CLSTN2: variants seen among roughly 807,000 people sequenced by gnomAD.
CLSTN2 encodes calsyntenin-2.
In CLSTN2, 48 loss-of-function variants were observed where a neutral mutation model predicts 101.2. That is an observed-to-expected ratio of 0.47 (90% CI 0.38 to 0.60). The LOEUF (loss-of-function observed/expected upper bound fraction) is 0.60. Among genes scored for constraint, CLSTN2 ranks in the 20% least tolerant of loss-of-function variants. The probability of loss-of-function intolerance (pLI) is 0.00; values close to 1 mark genes in which losing one functional copy is unlikely to be tolerated. For missense variants in CLSTN2, 1,160 were observed against 1,238.2 expected, an observed-to-expected ratio of 0.94 and a Z score of 0.95; for synonymous variants, 481 against 463.6, an observed-to-expected ratio of 1.04 and a Z score of -0.48.
At chr3:140,385,256 A>C (rs561788181) in intron 2 of CLSTN2, among the ~76,000 whole-genome samples, 2 of 151,804 alleles carry the variant, frequency 1.3e-5, no homozygotes, top group South Asian at 4.2e-4. Context: ...CCTAAGAAGC[A>C]TCTTGGTTCA....
chr3:140,518,459 C>T (rs1236932829), intron 8 of CLSTN2, among the ~76,000 whole-genome samples: 1 of 152,204 alleles, frequency 6.6e-6, no homozygotes, highest in Non-Finnish European at 1.5e-5. Context: ...TCCCTGGGAT[C>T]TTAGAGAGCC....
intron 2 of CLSTN2, among the ~76,000 whole-genome samples, chr3:140,195,875 A>G (rs1409343280): frequency 6.6e-6 from 1 of 152,232 alleles, no homozygotes; most frequent in Non-Finnish European, 1.5e-5. Flanking sequence ...ATTCATTCAT[A>G]TATAAGAAAC....
chr3:140,288,683 C>T (rs1052646042), intron 2 of CLSTN2, among the ~76,000 whole-genome samples: 1 of 152,150 alleles, frequency 6.6e-6, no homozygotes, highest in African/African-American at 2.4e-5. Context: ...CCACCAACAC[C>T]ACTGACTAAT....
intron 2 of CLSTN2, among the ~76,000 whole-genome samples, chr3:140,402,048 G>A (rs1443828806): frequency 1.3e-5 from 2 of 152,172 alleles, no homozygotes; most frequent in African/African-American, 2.4e-5. Flanking sequence ...GGAGATGGGG[G>A]TGGTAGTGAA....
chr3:140,199,491 C>T (rs2010691358), intron 2 of CLSTN2, among the ~76,000 whole-genome samples: 1 of 152,144 alleles, frequency 6.6e-6, no homozygotes, highest in South Asian at 2.1e-4. Flanking sequence ...AATTTGGAAG[C>T]CACTCAAGAG....
intron 2 of CLSTN2, among the ~76,000 whole-genome samples, chr3:140,323,246 C>T (rs942695713): frequency 5.9e-5 from 9 of 152,134 alleles, no homozygotes; most frequent in Admixed American, 2.6e-4. Context: ...TTACGGAGGG[C>T]GTTCTGGACC....
At chr3:140,539,047 A>G (rs561963992) in intron 9 of CLSTN2, among the ~76,000 whole-genome samples, 13 of 152,334 alleles carry the variant, frequency 8.5e-5, no homozygotes, top group African/African-American at 2.6e-4. Flanking sequence ...CTTCCCTATT[A>G]GGTCAAGAGT....
At chr3:140,035,364 C>T (rs2007633758) in intron 1 of CLSTN2, among the ~76,000 whole-genome samples, 1 of 152,220 alleles carries the variant, frequency 6.6e-6, no homozygotes, top group South Asian at 2.1e-4. Flanking sequence ...GCACATAGGG[C>T]AGTAGGAAGT....
intron 1 of CLSTN2, among the ~76,000 whole-genome samples, chr3:140,017,645 G>A (rs2007228363): frequency 6.6e-6 from 1 of 152,314 alleles, no homozygotes; most frequent in Admixed American, 6.5e-5. Context: ...TTGGGCAGCG[G>A]GGCCCATCAG....
chr3:140,173,706 C>A (rs1489263838), intron 1 of CLSTN2, among the ~76,000 whole-genome samples: 1 of 152,232 alleles, frequency 6.6e-6, no homozygotes, highest in Non-Finnish European at 1.5e-5. Context: ...CTTCTGTGCA[C>A]CTGCAGGCTC....
intron 1 of CLSTN2, among the ~76,000 whole-genome samples, chr3:140,068,790 A>G (rs1214980003): frequency 6.6e-6 from 1 of 152,248 alleles, no homozygotes; most frequent in Non-Finnish European, 1.5e-5. Flanking sequence ...TCTACCATGG[A>G]CACAGTGGTA....
chr3:140,499,419 T>C (rs536903673), intron 8 of CLSTN2, among the ~76,000 whole-genome samples: 1 of 152,236 alleles, frequency 6.6e-6, no homozygotes, highest in South Asian at 2.1e-4. Context: ...ATTAGTTTGA[T>C]TGGACCTTAT....
At chr3:140,079,025 C>A (rs1474287406) in intron 1 of CLSTN2, among the ~76,000 whole-genome samples, 4 of 152,076 alleles carry the variant, frequency 2.6e-5, no homozygotes, top group African/African-American at 9.7e-5. Flanking sequence ...ATTTTTGAGT[C>A]CTAGTTCTGT....
chr3:140,419,507 A>G lies in CLSTN2; in HGVS notation c.638-1618A>G, dbSNP rs1249250627. Among the ~76,000 whole-genome samples, 3 of 67,618 alleles carry G rather than the reference A, an allele frequency of 4.4e-5. 1 individual carries two copies. The African/African-American group carries it at 4.8e-4, about 11-fold the overall frequency. 44.4% of individuals were successfully genotyped at this position (67,618 alleles called of 152,430 possible). On this transcript the variant is annotated intron_variant, in intron 4 of 16. Transcript: ENST00000458420. ...CAAAAAAAAAAAAATATATATATAT[A>G]TATATACACACACATATGTGTGTGT...
At chr3:139,992,317 C>A (rs962538933) in intron 1 of CLSTN2, among the ~76,000 whole-genome samples, 3 of 152,084 alleles carry the variant, frequency 2.0e-5, no homozygotes, top group Non-Finnish European at 4.4e-5. Flanking sequence ...TATAGTCATG[C>A]CAGAATCTTC....
chr3:140,441,498 G>T (rs942452850), intron 5 of CLSTN2, among the ~76,000 whole-genome samples: 24 of 152,222 alleles, frequency 1.6e-4, no homozygotes, highest in African/African-American at 5.8e-4. Context: ...ATGTAGTTAT[G>T]CTGTTTTCCC....
At position 140,563,162 on chromosome 3, in the gene CLSTN2, T is replaced by C; in HGVS notation, c.2441T>C (p.Val814Ala). The change falls in exon 15 of 17, where the codon GTC (valine) becomes GCC (alanine). Residue 814 changes from valine (V) to alanine (A), a missense_variant. Physicochemically the swap from Val to Ala is moderately conservative, Grantham distance 64 (BLOSUM62 0). Coordinates refer to ENST00000458420, the MANE Select transcript of CLSTN2 (RefSeq NM_022131.3). The part of the protein sequence containing the change: ...LIVQPPFLQS[V>A]HHPESRSSIQ... ...GTGCAGCCTCCCTTCCTCCAGTCTGTCCATCATCCTGAGTCCCGGAGTAGC... is the reference window on the plus strand; with the variant it reads ...GTGCAGCCTCCCTTCCTCCAGTCTGCCCATCATCCTGAGTCCCGGAGTAGC... The C allele has an allele frequency of 6.2e-7, 1 of 1,614,060 alleles. No homozygotes were observed. Among genetic ancestry groups the C allele is most frequent in the East Asian group, 2.2e-5 (1 of 44,864 alleles).
chr3:140,098,808 T>C (rs2008914102), intron 1 of CLSTN2, among the ~76,000 whole-genome samples: 1 of 152,200 alleles, frequency 6.6e-6, no homozygotes, highest in South Asian at 2.1e-4. Context: ...TTTGTTATTT[T>C]ATGTGAGAGC....
intron 2 of CLSTN2, among the ~76,000 whole-genome samples, chr3:140,403,363 T>G (rs1427094821): frequency 1.3e-5 from 2 of 152,170 alleles, no homozygotes; most frequent in African/African-American, 4.8e-5. Context: ...AGGAAAGCAG[T>G]GCTGCTCATA....
Sources: allele counts gnomAD v4.1 joint callset (sites outside exome capture counted in the v4.1 genomes callset), GRCh38; gene constraint gnomAD v4.1.1; transcripts MANE v1.5; gene names NCBI Gene and HGNC (gene_info 2026-07-23, HGNC 2026-07-21).